ASIP: variants seen among roughly 807,000 people sequenced by gnomAD.
ASIP encodes agouti signaling protein, also known as agouti-signaling protein.
In ASIP, 11 loss-of-function variants were observed where a neutral mutation model predicts 10.3. That is an observed-to-expected ratio of 1.07 (90% confidence interval 0.68 to 1.78). The LOEUF (loss-of-function observed/expected upper bound fraction) is 1.78, where lower values mean the gene tolerates loss of function less well. Among genes scored for constraint, ASIP ranks in the 40% most tolerant of loss-of-function variants. The pLI, the probability that ASIP is intolerant of heterozygous loss-of-function variation, is 0.00. For synonymous variants in ASIP, 70 were observed against 70.8 expected, an observed-to-expected ratio of 0.99 and a Z score of 0.06; for missense variants, 180 against 169.2, an observed-to-expected ratio of 1.06 and a Z score of -0.35.
upstream of ASIP, among the ~76,000 whole-genome samples, chr20:34,238,359 C>A (rs1045369413): frequency 3.9e-5 from 6 of 152,020 alleles, no homozygotes; most frequent in Non-Finnish European, 7.4e-5. Context: ...TATTTATGTT[C>A]CTCAGACTCA....
intron 1 of ASIP, among the ~76,000 whole-genome samples, chr20:34,252,251 C>T (rs901994864): frequency 6.6e-5 from 10 of 152,140 alleles, no homozygotes; most frequent in African/African-American, 2.4e-4. Flanking sequence ...ATACAGAGGA[C>T]CCGCACTGGT....
At chr20:34,201,651 T>C (rs997224721) in intron 1 of ASIP, among the ~76,000 whole-genome samples, 7 of 152,220 alleles carry the variant, frequency 4.6e-5, no homozygotes, top group Non-Finnish European at 8.8e-5. Flanking sequence ...CGGAGCCATA[T>C]ACCTGGAGGG....
intron 1 of ASIP, among the ~76,000 whole-genome samples, chr20:34,259,066 CA>C (rs1367867479): frequency 1.3e-5 from 2 of 150,364 alleles, no homozygotes; most frequent in Non-Finnish European, 2.9e-5. Flanking sequence ...TTAAATTAGC[CA>C]GGTGTGTTTG....
At chr20:34,200,454 A>T (rs551821064) in intron 1 of ASIP, among the ~76,000 whole-genome samples, 3 of 152,370 alleles carry the variant, frequency 2.0e-5, no homozygotes, top group East Asian at 1.9e-4. Context: ...ACAGTGCAAC[A>T]TCTTACCAAG....
intron 1 of ASIP, among the ~76,000 whole-genome samples, chr20:34,249,260 T>C (rs148941709): frequency 6.6e-5 from 10 of 152,270 alleles, no homozygotes; most frequent in Non-Finnish European, 1.2e-4. Context: ...CCCAGGTTTT[T>C]ACATGCTGGT....
At chr20:34,262,732 T>G in intron 2 of ASIP, 100 bp from the exon 3 acceptor site, 1 of 1,340,598 alleles carries the variant, frequency 7.5e-7, no homozygotes, top group Non-Finnish European at 1.1e-6. Flanking sequence ...CTCCTCTCCC[T>G]GACCTTGTGA....
At chr20:34,251,206 T>C (rs997991860) in intron 1 of ASIP, among the ~76,000 whole-genome samples, 5 of 152,218 alleles carry the variant, frequency 3.3e-5, no homozygotes, top group Non-Finnish European at 5.9e-5. Context: ...GTCACACTTA[T>C]GCATTTGTAA....
At chr20:34,265,359 C>T (rs1340382453) in intron 3 of ASIP, among the ~76,000 whole-genome samples, 2 of 151,840 alleles carry the variant, frequency 1.3e-5, no homozygotes, top group African/African-American at 2.4e-5. Context: ...CTCATCTCTA[C>T]AAAAAATTTA....
At chr20:34,231,779 A>G (rs1330494930) in intron 1 of ASIP, among the ~76,000 whole-genome samples, 1 of 152,258 alleles carries the variant, frequency 6.6e-6, no homozygotes, top group Non-Finnish European at 1.5e-5. Context: ...AGGGAAATAC[A>G]AATTATCACT....
chr20:34,247,945 C>T (rs1477206756), intron 1 of ASIP, among the ~76,000 whole-genome samples: 4 of 152,144 alleles, frequency 2.6e-5, no homozygotes, highest in Non-Finnish European at 4.4e-5. Context: ...GTGGCACATG[C>T]GTGTAATCCC....
chr20:34,260,004 C>A (rs1354635669), intron 1 of ASIP, among the ~76,000 whole-genome samples: 1 of 151,958 alleles, frequency 6.6e-6, no homozygotes, highest in Non-Finnish European at 1.5e-5. Flanking sequence ...CTACTGGGGG[C>A]CTTTCAACAA....
In ASIP at chr20:34,260,502, A is replaced by G; in HGVS notation, c.128A>G (p.Asn43Ser). The G allele has an allele frequency of 1.2e-6, 2 of 1,613,750 alleles. No homozygotes were observed. The highest frequency in any genetic ancestry group is 1.7e-6 in the Non-Finnish European group (2 of 1,179,788). The change falls in exon 2 of 4, where the codon AAC becomes AGC. Residue 43 changes from asparagine to serine, a missense_variant. Transcript: ENST00000374954. The part of the protein sequence containing the change: ...DRSLRSNSSV[N>S]LLDVPSVSIV... The stretch of plus-strand genomic sequence containing the variant: ...AGCCTGAGAAGCAACTCCTCTGTGA[A>G]CCTACTGGATGTCCCTTCTGTCTCT...
Position 34,267,779 on chromosome 20 carries a change from C to T in ASIP, c.223-1212C>T, listed in dbSNP as rs1601621661. ...CTCCCGACCTCAGGTGATCCGCCTG[C>T]CTAGGCCTCCCAAAGTGCTGGGATT... On this transcript the variant is annotated intron_variant, in intron 3 of 3. Coordinates refer to ENST00000374954, the MANE Select transcript of ASIP (RefSeq NM_001672.3). 2.0e-5 allele frequency among the ~76,000 whole-genome samples: 3 copies of T among 151,930 alleles called. No homozygotes were observed. The East Asian group carries it at 5.8e-4, about 29-fold the overall frequency.
chr20:34,217,007 A>G (rs950892808), intron 1 of ASIP, among the ~76,000 whole-genome samples: 28 of 152,086 alleles, frequency 1.8e-4, no homozygotes, highest in African/African-American at 6.8e-4. Flanking sequence ...GTTTCTGTCA[A>G]GCGAATAGGC....
At chr20:34,218,652 A>G in intron 1 of ASIP, among the ~76,000 whole-genome samples, 1 of 152,072 alleles carries the variant, frequency 6.6e-6, no homozygotes, top group East Asian at 1.9e-4. Flanking sequence ...AGATGGCAGT[A>G]GCAAGGGAAA....
intron 1 of ASIP, among the ~76,000 whole-genome samples, chr20:34,252,279 C>T (rs1355440339): frequency 2.6e-5 from 4 of 152,172 alleles, no homozygotes; most frequent in Non-Finnish European, 5.9e-5. Context: ...TCTGAGTTCC[C>T]TCAGTATTTA....
chr20:34,202,916 C>T (rs929540367), intron 1 of ASIP, among the ~76,000 whole-genome samples: 5 of 147,666 alleles, frequency 3.4e-5, no homozygotes, highest in African/African-American at 1.3e-4. Context: ...TCACGCCATT[C>T]TCCTGCCTCA....
chr20:34,235,883 AAGG>A (rs2035190023), intron 1 of ASIP, among the ~76,000 whole-genome samples: 2 of 102,430 alleles, frequency 2.0e-5, no homozygotes, highest in South Asian at 7.9e-4. Flanking sequence ...GGAAGGAAGG[AAGG>A]AAGGAAGGAA....
At chr20:34,226,055 G>A (rs999131646) in intron 1 of ASIP, among the ~76,000 whole-genome samples, 1 of 151,914 alleles carries the variant, frequency 6.6e-6, no homozygotes, top group Non-Finnish European at 1.5e-5. Context: ...CACCACACCC[G>A]GCTAATTTTT....
Sources: allele counts gnomAD v4.1 joint callset (sites outside exome capture counted in the v4.1 genomes callset), GRCh38; gene constraint gnomAD v4.1.1; transcripts MANE v1.5; gene names NCBI Gene and HGNC (gene_info 2026-07-23, HGNC 2026-07-21).